Variants in PLS1 observed in about 807,000 individuals in gnomAD.
PLS1 encodes the protein plastin 1.
A neutral mutation model predicts 73.7 loss-of-function variants in PLS1; 32 were observed. That is an observed-to-expected ratio of 0.43 (90% confidence interval 0.33 to 0.58). The LOEUF (loss-of-function observed/expected upper bound fraction) is 0.58, where lower values mean the gene tolerates loss of function less well. Among genes scored for constraint, PLS1 ranks in the 20% least tolerant of loss-of-function variants. The pLI is 0.04. For synonymous variants in PLS1, 217 were observed against 261.3 expected, an observed-to-expected ratio of 0.83 and a Z score of 1.63; for missense variants, 633 against 740.5, an observed-to-expected ratio of 0.85 and a Z score of 1.68.
intron 1 of PLS1, among the ~76,000 whole-genome samples, chr3:142,663,764 C>T (rs1020683460): frequency 2.8e-4 from 42 of 152,268 alleles, no homozygotes; most frequent in African/African-American, 8.9e-4. Context: ...ACCACAAATC[C>T]CATTATAAGA....
At chr3:142,673,301 G>A (rs1429349596) in intron 4 of PLS1, among the ~76,000 whole-genome samples, 1 of 152,098 alleles carries the variant, frequency 6.6e-6, no homozygotes, top group African/African-American at 2.4e-5. Context: ...CCTGCCTTGG[G>A]ATTACAGGTG....
intron 1 of PLS1, among the ~76,000 whole-genome samples, chr3:142,614,498 G>A (rs1304185307): frequency 6.6e-6 from 1 of 152,172 alleles, no homozygotes; most frequent in African/African-American, 2.4e-5. Flanking sequence ...AGGAATGTGG[G>A]TGCAGTATTG....
intron 1 of PLS1, among the ~76,000 whole-genome samples, chr3:142,618,891 T>C (rs936432465): frequency 1.3e-5 from 2 of 152,126 alleles, no homozygotes; most frequent in African/African-American, 4.8e-5. Context: ...AAAAATCTGT[T>C]TTGCCATGTA....
chr3:142,635,684 T>C (rs538227046), intron 1 of PLS1, among the ~76,000 whole-genome samples: 2 of 152,220 alleles, frequency 1.3e-5, no homozygotes, highest in South Asian at 4.1e-4. Context: ...CCAAAATCAA[T>C]CCTTAGGTTT....
chr3:142,642,926 G>A (rs1402370521), intron 1 of PLS1, among the ~76,000 whole-genome samples: 6 of 152,036 alleles, frequency 3.9e-5, no homozygotes, highest in African/African-American at 1.4e-4. Flanking sequence ...CCTGGGCTCA[G>A]GTGATCTGCC....
intron 1 of PLS1, among the ~76,000 whole-genome samples, chr3:142,655,463 G>T (rs111627177): frequency 2.8e-4 from 42 of 152,240 alleles, no homozygotes; most frequent in African/African-American, 8.9e-4. Flanking sequence ...GCTCATGCCT[G>T]TAATCCCAGC....
At chr3:142,613,842 T>C (rs1011953579) in intron 1 of PLS1, among the ~76,000 whole-genome samples, 6 of 152,244 alleles carry the variant, frequency 3.9e-5, no homozygotes, top group African/African-American at 1.2e-4. Flanking sequence ...AGCTACTCTG[T>C]AGTAGAGCTT....
chr3:142,674,059 A>G (rs2037668183), intron 4 of PLS1, among the ~76,000 whole-genome samples: 1 of 152,150 alleles, frequency 6.6e-6, no homozygotes, highest in African/African-American at 2.4e-5. Context: ...TACCTCCTCT[A>G]TGAAGCCTTT....
intron 11 of PLS1, among the ~76,000 whole-genome samples, chr3:142,697,147 A>G (rs763123341): frequency 1.8e-4 from 28 of 152,196 alleles, no homozygotes; most frequent in Non-Finnish European, 3.7e-4. Flanking sequence ...AAAATAGACT[A>G]AACAGCCATA....
intron 2 of PLS1, 128 bp from the exon 3 acceptor site, chr3:142,669,262 G>T (rs2037549516): frequency 3.6e-6 from 2 of 557,898 alleles, no homozygotes; most frequent in Non-Finnish European, 6.2e-6. Flanking sequence ...CAGGAAAAAA[G>T]GTTACTGCCA....
At chr3:142,669,310 T>A in intron 2 of PLS1, 80 bp from the exon 3 acceptor site, 1 of 769,612 alleles carries the variant, frequency 1.3e-6, no homozygotes, top group Non-Finnish European at 2.0e-6. Context: ...TCTGCACATC[T>A]ATGAATCCTC....
chr3:142,689,429 CATAAATAA>C (rs60286789), intron 9 of PLS1, among the ~76,000 whole-genome samples, 181 bp from the exon 10 acceptor site: 6 of 148,480 alleles, frequency 4.0e-5, no homozygotes, highest in African/African-American at 7.5e-5. Flanking sequence ...TCTCTAAATA[CATAAATAA>C]ATAAATAAAT....
At chr3:142,623,996 C>A (rs890911891) in intron 1 of PLS1, among the ~76,000 whole-genome samples, 2 of 151,990 alleles carry the variant, frequency 1.3e-5, no homozygotes, top group African/African-American at 4.8e-5. Flanking sequence ...AAACTTGATG[C>A]TTTCAGTCTG....
chr3:142,671,849 A>C (rs957899277), intron 4 of PLS1, among the ~76,000 whole-genome samples: 1 of 152,170 alleles, frequency 6.6e-6, no homozygotes, highest in Middle Eastern at 3.2e-3. Flanking sequence ...GAATCTGTTA[A>C]TTATCCTCTT....
rs1456937306 is a variant in PLS1 at position 142,651,745 on chromosome 3, GCA to G, written c.-36-12450_-36-12449del. Among the ~76,000 whole-genome samples the G allele has an allele frequency of 3.3e-5, 5 of 152,300 alleles. No individual in the cohort carries two copies. The South Asian group carries it at 8.3e-4, about 25-fold the overall frequency. Reference sequence around the variant, plus strand: ...CTTAATAGACTGAAGGACTCATCTGGCACACACAGTGCTTTATAATAATTCAA... The same window carrying G: ...CTTAATAGACTGAAGGACTCATCTGGCACACAGTGCTTTATAATAATTCAA... On this transcript the variant is annotated intron_variant, in intron 1 of 15. Coordinates refer to ENST00000457734, the MANE Select transcript of PLS1 (RefSeq NM_001145319.2).
chr3:142,619,889 C>T (rs908593101), intron 1 of PLS1, among the ~76,000 whole-genome samples: 2 of 152,066 alleles, frequency 1.3e-5, no homozygotes, highest in Admixed American at 6.6e-5. Context: ...GTATAATGGG[C>T]AAGGGAGTGG....
Position 142,664,186 on chromosome 3 carries a change from A to C in PLS1, c.-36-16A>C. 1 of 982,986 alleles carries C rather than the reference A, an allele frequency of 1.0e-6. No homozygotes were observed. The highest frequency in any genetic ancestry group is 1.6e-6 in the Non-Finnish European group (1 of 636,126). 60.9% of individuals were successfully genotyped at this position (982,986 alleles called of 1,614,324 possible). ...CCAAAGGCTTCATGCTTTTTTTATA[A>C]TATTGCTTTTTCTAGATATAAAGAC... On this transcript the variant is annotated splice_polypyrimidine_tract_variant and intron_variant, in intron 1 of 15. Coordinates refer to ENST00000457734, the MANE Select transcript of PLS1 (RefSeq NM_001145319.2).
chr3:142,607,830 T>G (rs1406188823), intron 1 of PLS1, among the ~76,000 whole-genome samples: 1 of 152,062 alleles, frequency 6.6e-6, no homozygotes, highest in Admixed American at 6.6e-5. Context: ...TTTTGAGGAA[T>G]AGCAATCAGG....
intron 1 of PLS1, among the ~76,000 whole-genome samples, chr3:142,663,446 C>G (rs1187493780): frequency 6.6e-6 from 1 of 152,048 alleles, no homozygotes; most frequent in Admixed American, 6.6e-5. Context: ...GCCCCCTTGC[C>G]CCCAACTTTC....
Sources: allele counts gnomAD v4.1 joint callset (sites outside exome capture counted in the v4.1 genomes callset), GRCh38; gene constraint gnomAD v4.1.1; transcripts MANE v1.5; gene names NCBI Gene and HGNC (gene_info 2026-07-23, HGNC 2026-07-21).